GPM6A: variants seen among roughly 807,000 people sequenced by gnomAD.
The protein encoded by GPM6A is glycoprotein M6A.
A neutral mutation model predicts 32.1 loss-of-function variants in GPM6A; 7 were observed. The ratio of observed to expected loss-of-function variants is 0.22; its 90% confidence interval spans 0.12 to 0.41. The LOEUF is 0.41. Among genes scored for constraint, GPM6A ranks in the 10% least tolerant of loss-of-function variants. GPM6A has a pLI of 1.00. For synonymous variants in GPM6A, 130 were observed against 123.4 expected (o/e 1.05, Z -0.35); for missense variants, 235 against 347.2 (o/e 0.68, Z 2.57).
intron 1 of GPM6A, among the ~76,000 whole-genome samples, chr4:175,929,115 AAAAG>A (rs1180114679): frequency 2.6e-5 from 4 of 152,240 alleles, no homozygotes. Context: ...GTGATGAAGT[AAAAG>A]AAAGAAACAA....
chr4:175,887,316 A>C lies in GPM6A; in HGVS notation c.-22-75067T>G, dbSNP rs148044625. 2.8e-3 allele frequency among the ~76,000 whole-genome samples: 427 copies of C among 152,092 alleles called. 4 individuals carry two copies. In the South Asian group the frequency reaches 0.036, roughly 13 times the overall value. ...ACACAATTTAAGTTAAAAACTTCTA[A>C]ATCACGTGTGGGTTAAAGAAAAATT... is the stretch of plus-strand genomic sequence containing the variant. On this transcript the variant is annotated intron_variant, in intron 1 of 7. Coordinates refer to the GPM6A transcript ENST00000280187.
At chr4:175,883,221 T>C (rs1452591492) in intron 1 of GPM6A, among the ~76,000 whole-genome samples, 4 of 152,088 alleles carry the variant, frequency 2.6e-5, no homozygotes, top group Non-Finnish European at 5.9e-5. Flanking sequence ...GGTTTGAGAT[T>C]GCTTCTTCTG....
intron 1 of GPM6A, chr4:175,790,413 T>C (rs985129637): frequency 6.6e-6 from 1 of 152,218 alleles, no homozygotes; most frequent in Non-Finnish European, 1.5e-5. Flanking sequence ...GTAGAGATGC[T>C]TGCAGTAAGA....
chr4:175,721,088 G>C (rs918518054), intron 1 of GPM6A, among the ~76,000 whole-genome samples: 1 of 136,612 alleles, frequency 7.3e-6, no homozygotes, highest in East Asian at 2.0e-4. Context: ...AGCTTTTCTA[G>C]TATATATTTC....
Position 175,794,338 on chromosome 4 carries a change from C to T in GPM6A, c.37+17853G>A, listed in dbSNP as rs180767146. On this transcript the variant is annotated intron_variant, in intron 1 of 6. Coordinates refer to ENST00000393658, the MANE Select transcript of GPM6A (RefSeq NM_201591.3). ...TTCATATAATTTCTTTAGATTTACA[C>T]ATGTGAGTCCTTAATAGAAACCATA... Among the ~76,000 whole-genome samples, 10 of 152,304 alleles carry T rather than the reference C, an allele frequency of 6.6e-5. No homozygotes were observed. The East Asian group carries it at 1.9e-3, about 29-fold the overall frequency.
chr4:175,921,069 CA>C (rs140640312), intron 1 of GPM6A, among the ~76,000 whole-genome samples: 23,407 of 151,730 alleles, frequency 0.15, 2,189 homozygotes, highest in African/African-American at 0.26. Flanking sequence ...TATCTTTAAC[CA>C]ATCTGTTTAT....
chr4:175,642,252 C>T (rs1400140402), intron 4 of GPM6A, among the ~76,000 whole-genome samples: 1 of 152,114 alleles, frequency 6.6e-6, no homozygotes, highest in Non-Finnish European at 1.5e-5. Context: ...CCTAAAAAAT[C>T]ACCATTGTTG....
intron 1 of GPM6A, among the ~76,000 whole-genome samples, chr4:175,953,570 T>A (rs1210012699): frequency 2.6e-5 from 4 of 152,176 alleles, no homozygotes; most frequent in Admixed American, 2.0e-4. Context: ...CAACTTTGAG[T>A]TCTGCAGGAC....
intron 1 of GPM6A, among the ~76,000 whole-genome samples, chr4:175,804,704 GTTCAA>G (rs1175745536): frequency 6.6e-6 from 1 of 151,922 alleles, no homozygotes; most frequent in Non-Finnish European, 1.5e-5. Context: ...TGTTTCTGAT[GTTCAA>G]TAACGAAACT....
chr4:175,812,337 T>TTTTTG, upstream of GPM6A: 1 of 1,346,910 alleles, frequency 7.4e-7, no homozygotes, highest in Non-Finnish European at 9.6e-7. Context: ...TTTTTTTTTT[T>TTTTTG]TTTCCTGGGA....
chr4:175,928,374 C>T (rs1285535142), intron 1 of GPM6A, among the ~76,000 whole-genome samples: 1 of 152,128 alleles, frequency 6.6e-6, no homozygotes, highest in Admixed American at 6.5e-5. Context: ...CGATACAAGC[C>T]TTTACCTGGG....
intron 1 of GPM6A, among the ~76,000 whole-genome samples, chr4:175,982,877 T>C (rs1740858600): frequency 6.6e-6 from 1 of 152,206 alleles, no homozygotes; most frequent in African/African-American, 2.4e-5. Context: ...GGTGTATCTT[T>C]CTATTTAGGT....
At chr4:175,676,570 C>T (rs927381527) in intron 2 of GPM6A, among the ~76,000 whole-genome samples, 1 of 152,052 alleles carries the variant, frequency 6.6e-6, no homozygotes, top group African/African-American at 2.4e-5. Context: ...AACATAGAGA[C>T]ACCCCATCTC....
chr4:175,926,701 G>A (rs968284708), intron 1 of GPM6A, among the ~76,000 whole-genome samples: 1 of 152,060 alleles, frequency 6.6e-6, no homozygotes, highest in Non-Finnish European at 1.5e-5. Flanking sequence ...AGAAGAATAT[G>A]TTCCTTTTAG....
intron 1 of GPM6A, among the ~76,000 whole-genome samples, chr4:175,752,038 C>T (rs1732356259): frequency 6.6e-6 from 1 of 152,084 alleles, no homozygotes; most frequent in African/African-American, 2.4e-5. Context: ...CCAGTCTTGT[C>T]TAATGGTACC....
chr4:175,920,745 C>A (rs1044464671), intron 1 of GPM6A, among the ~76,000 whole-genome samples: 9 of 151,352 alleles, frequency 5.9e-5, no homozygotes, highest in African/African-American at 9.7e-5. Flanking sequence ...GCTACTCAGG[C>A]GGCTGAGGCA....
chr4:175,765,757 C>T (rs1362804789), intron 1 of GPM6A, among the ~76,000 whole-genome samples: 1 of 152,314 alleles, frequency 6.6e-6, no homozygotes, highest in East Asian at 1.9e-4. Flanking sequence ...GATCTGATCT[C>T]AGACTTGCTC....
At chr4:175,658,862 C>T (rs935479589) in intron 3 of GPM6A, among the ~76,000 whole-genome samples, 1 of 152,098 alleles carries the variant, frequency 6.6e-6, no homozygotes, top group Non-Finnish European at 1.5e-5. Flanking sequence ...TCACCAGTGT[C>T]ACTGTGAAAT....
chr4:175,671,477 GAAAAAAAAA>G (rs544889132), intron 3 of GPM6A, among the ~76,000 whole-genome samples: 25 of 24,404 alleles, frequency 1.0e-3, no homozygotes, highest in African/African-American at 3.6e-3. Flanking sequence ...GCCTACAAAC[GAAAAAAAAA>G]AAAAAAAAAA....
Sources: allele counts gnomAD v4.1 joint callset (sites outside exome capture counted in the v4.1 genomes callset), GRCh38; gene constraint gnomAD v4.1.1; transcripts MANE v1.5; gene names NCBI Gene and HGNC (gene_info 2026-07-23, HGNC 2026-07-21).